Variants in ARHGAP17 observed in about 807,000 individuals in gnomAD.
The protein encoded by ARHGAP17 is rho GTPase-activating protein 17.
In ARHGAP17, 57 loss-of-function variants were observed where a neutral mutation model predicts 99.5. The ratio of observed to expected loss-of-function variants is 0.57; its 90% CI spans 0.46 to 0.71. ARHGAP17 has a LOEUF of 0.71. ARHGAP17 is among the 30% of genes least tolerant of loss of function. ARHGAP17 has a pLI of 0.00. For missense variants in ARHGAP17, 1,000 were observed against 1,122.4 expected (o/e 0.89, Z 1.56); for synonymous variants, 417 against 429.6 (o/e 0.97, Z 0.36).
Position 24,931,153 on chromosome 16 carries a change from G to T in ARHGAP17, c.2146C>A (p.Pro716Thr). The T allele has an allele frequency of 6.2e-7, 1 of 1,601,028 alleles. No homozygotes were observed. Among genetic ancestry groups the T allele is most frequent in the Non-Finnish European group, 8.5e-7 (1 of 1,174,066 alleles). ...SPIQAPNHPPPQPPTQATPLM... is the reference protein window; with the variant it reads ...SPIQAPNHPPTQPPTQATPLM... Reference sequence around the variant, plus strand: ...GGCGTGGCCTGCGTAGGGGGCTGCGGCGGTGGGTGATTGGGAGCTTGGATT... The same window carrying T: ...GGCGTGGCCTGCGTAGGGGGCTGCGTCGGTGGGTGATTGGGAGCTTGGATT... The change falls in exon 19 of 20, where the codon CCG becomes ACG. Residue 716 changes from proline to threonine, a missense_variant. Physicochemically the swap from Pro to Thr is conservative, Grantham distance 38 (BLOSUM62 -1). Transcript: ENST00000289968.
chr16:24,955,636 C>T lies in ARHGAP17; in HGVS notation c.725-906G>A, dbSNP rs2051786808. 2 of 152,196 alleles carry T rather than the reference C, an allele frequency of 1.3e-5. No individual in the cohort carries two copies. Among genetic ancestry groups the T allele is most frequent in the Admixed American group, 1.3e-4 (2 of 15,284 alleles). 9.4% of individuals were successfully genotyped at this position (152,196 alleles called of 1,614,324 possible). On this transcript the variant is annotated intron_variant, in intron 9 of 19. Transcript: ENST00000289968. This position sits in a 1 kb window ranked among gnomAD's most constrained non-coding sequence, Gnocchi z 4.0. ...GGGAGAAACACTTAAATCTTTCCAA[C>T]AACAGGAAGGGTTCATGTCCTTCTC...
At chr16:24,929,347 C>G (rs1567206851) in intron 19 of ARHGAP17, among the ~76,000 whole-genome samples, 1 of 152,106 alleles carries the variant, frequency 6.6e-6, no homozygotes, top group Non-Finnish European at 1.5e-5. Context: ...AAAGAAGATA[C>G]TCTTCAAGAG....
intron 14 of ARHGAP17, 65 bp downstream of exon 14, chr16:24,947,417 C>T: frequency 7.3e-7 from 1 of 1,378,872 alleles, no homozygotes; most frequent in South Asian, 1.2e-5. Context: ...ACCTGAGTTA[C>T]ATTTCTATGC....
chr16:25,001,985 G>A (rs2053372301), intron 1 of ARHGAP17, among the ~76,000 whole-genome samples: 1 of 151,950 alleles, frequency 6.6e-6, no homozygotes, highest in Non-Finnish European at 1.5e-5. Flanking sequence ...GGAGGCTGAG[G>A]CAGGAGAATT....
chr16:24,982,348 G>A (rs2052697864), intron 1 of ARHGAP17, among the ~76,000 whole-genome samples: 1 of 151,810 alleles, frequency 6.6e-6, no homozygotes, highest in South Asian at 2.1e-4. Flanking sequence ...AGGTTGCAGT[G>A]AGCCAAGATC....
At chr16:24,950,836 C>CAAAAAAAAAAAAAAAAAAA (rs1177614713) in intron 12 of ARHGAP17, among the ~76,000 whole-genome samples, 39 of 39,430 alleles carry the variant, frequency 9.9e-4, no homozygotes, top group African/African-American at 3.5e-3. Flanking sequence ...GACTCCAACT[C>CAAAAAAAAAAAAAAAAAAA]AAAAAAAAAA....
Position 24,931,142 on chromosome 16 carries a change from AG to A in ARHGAP17, c.2156del (p.Pro719LeufsTer7), listed in dbSNP as rs771557175. On this transcript the variant is annotated frameshift_variant, in exon 19 of 20. Coordinates refer to ENST00000289968, the MANE Select transcript of ARHGAP17 (RefSeq NM_001006634.3). LOFTEE classifies it high-confidence loss of function. ...TGTGCATCAGTGGCGTGGCCTGCGT[AG>A]GGGGCTGCGGCGGTGGGTGATTGGG... ...QAPNHPPPQP[P>X]TQATPLMHTK... 6.2e-7 allele frequency: 1 copy of A among 1,602,892 alleles called. No individual in the cohort carries two copies. The highest frequency in any genetic ancestry group is 8.5e-7 in the Non-Finnish European group (1 of 1,175,428).
At chr16:24,941,064 G>A (rs886595585) in intron 16 of ARHGAP17, among the ~76,000 whole-genome samples, 27 of 152,164 alleles carry the variant, frequency 1.8e-4, no homozygotes, top group Admixed American at 1.5e-3. Flanking sequence ...GAGGTAATAC[G>A]TCTGCATAGA....
At position 24,949,457 on chromosome 16, in the gene ARHGAP17, T is replaced by C; in HGVS notation, c.1074A>G (p.Gln358=). The change falls in exon 13 of 20, where the codon CAA becomes CAG. Residue 358 remains glutamine, a synonymous_variant. Transcript: ENST00000289968. ...ACTTCTGACATGTTCTCCACAAGTC[T>C]TGAAGTTTTTTGTCTTGATCCTGCA... ...ASVQDQDKKL[Q]DLWRTCQKLP... 1 of 1,613,928 alleles carries C rather than the reference T, an allele frequency of 6.2e-7. No individual in the cohort carries two copies. Among genetic ancestry groups the C allele is most frequent in the Non-Finnish European group, 8.5e-7 (1 of 1,179,988 alleles).
intron 1 of ARHGAP17, among the ~76,000 whole-genome samples, chr16:24,985,268 T>C (rs1255731737): frequency 1.3e-5 from 2 of 152,236 alleles, no homozygotes; most frequent in Non-Finnish European, 2.9e-5. Flanking sequence ...TTCCTATTGC[T>C]GCTGTAACAA....
intron 7 of ARHGAP17, among the ~76,000 whole-genome samples, chr16:24,963,936 TCTTTC>T (rs1194613977): frequency 6.6e-6 from 1 of 152,224 alleles, no homozygotes; most frequent in Non-Finnish European, 1.5e-5. Context: ...GCTATGGTTT[TCTTTC>T]CTTTTTTCTG....
At chr16:24,942,886 T>C (rs886985018) in intron 15 of ARHGAP17, among the ~76,000 whole-genome samples, 1 of 152,204 alleles carries the variant, frequency 6.6e-6, no homozygotes, top group Admixed American at 6.5e-5. Context: ...AAAGGAAACC[T>C]TGAGCAGAAT....
At chr16:24,944,583 T>G (rs367614682) in intron 14 of ARHGAP17, among the ~76,000 whole-genome samples, 5 of 152,288 alleles carry the variant, frequency 3.3e-5, no homozygotes, top group East Asian at 1.9e-4. Context: ...ACCAAGAACA[T>G]GCATTGTTAC....
chr16:24,939,216 AT>A, intron 17 of ARHGAP17, 147 bp downstream of exon 17: 1 of 702,786 alleles, frequency 1.4e-6, no homozygotes, highest in Non-Finnish European at 2.2e-6. Context: ...CTTTTTTTCC[AT>A]CTTTTGCCAA....
At chr16:25,000,726 G>A (rs963076686) in intron 1 of ARHGAP17, among the ~76,000 whole-genome samples, 4 of 152,162 alleles carry the variant, frequency 2.6e-5, no homozygotes, top group Non-Finnish European at 5.9e-5. Context: ...TGCCACATAC[G>A]CTCCATTAAA....
chr16:24,960,178 T>C (rs927084513), intron 7 of ARHGAP17, among the ~76,000 whole-genome samples, 199 bp from the exon 8 acceptor site: 4 of 152,334 alleles, frequency 2.6e-5, no homozygotes, highest in East Asian at 1.9e-4. Flanking sequence ...ATCTCCAAGA[T>C]ATATTTTAAC....
intron 1 of ARHGAP17, among the ~76,000 whole-genome samples, chr16:25,012,021 G>C (rs1169991081): frequency 1.3e-5 from 2 of 152,026 alleles, no homozygotes; most frequent in Non-Finnish European, 2.9e-5. Context: ...TTTTTTGCCT[G>C]CCTACCTCTT....
At chr16:24,953,719 G>A (rs1412250300) in intron 10 of ARHGAP17, among the ~76,000 whole-genome samples, 1 of 152,164 alleles carries the variant, frequency 6.6e-6, no homozygotes, top group Non-Finnish European at 1.5e-5. Flanking sequence ...CTTTACAGCA[G>A]TGTGAGAATG....
chr16:24,954,372 T>TTTACC (rs1222621245), intron 10 of ARHGAP17, among the ~76,000 whole-genome samples: 1 of 152,208 alleles, frequency 6.6e-6, no homozygotes, highest in Non-Finnish European at 1.5e-5. Context: ...GTAAACATTG[T>TTTACC]TTTGTAAAAC....
Sources: allele counts gnomAD v4.1 joint callset (sites outside exome capture counted in the v4.1 genomes callset), GRCh38; gene constraint gnomAD v4.1.1; non-coding constraint Gnocchi (gnomAD v3.1); transcripts MANE v1.5; gene names NCBI Gene and HGNC (gene_info 2026-07-23, HGNC 2026-07-21).